SLC14A2: variants seen among roughly 807,000 people sequenced by gnomAD.
SLC14A2 encodes the protein solute carrier family 14 member 2, also known as urea transporter 2.
Under a neutral mutation model 104.6 loss-of-function variants are expected in SLC14A2, and 91 were observed. That is an observed-to-expected ratio of 0.87 (90% CI 0.73 to 1.04). The LOEUF is 1.04. Among genes scored for constraint, SLC14A2 ranks in the 50% least tolerant of loss-of-function variants. The probability of loss-of-function intolerance (pLI) is 0.00; values close to 1 mark genes in which losing one functional copy is unlikely to be tolerated. For synonymous variants in SLC14A2, 476 were observed against 466.4 expected, an observed-to-expected ratio of 1.02 and a Z score of -0.27; for missense variants, 1,189 against 1,156.0, an observed-to-expected ratio of 1.03 and a Z score of -0.41.
chr18:45,419,426 A>G (rs1470405593), intron 1 of SLC14A2, among the ~76,000 whole-genome samples: 1 of 152,220 alleles, frequency 6.6e-6, no homozygotes, highest in Admixed American at 6.5e-5. Context: ...CTATTGAGAA[A>G]ACTTGTTTTG....
intron 1 of SLC14A2, among the ~76,000 whole-genome samples, chr18:45,276,559 A>G (rs1005690848): frequency 6.6e-6 from 1 of 152,254 alleles, no homozygotes; most frequent in Admixed American, 6.5e-5. Context: ...GATATCTGAT[A>G]GAAAAAGCCT....
chr18:45,231,962 T>C (rs2084178966), intron 1 of SLC14A2, among the ~76,000 whole-genome samples: 1 of 152,076 alleles, frequency 6.6e-6, no homozygotes, highest in African/African-American at 2.4e-5. Flanking sequence ...AAGCAACTGA[T>C]GAAGCTGGAA....
intron 1 of SLC14A2, among the ~76,000 whole-genome samples, chr18:45,350,065 C>T (rs76702143): frequency 0.015 from 2,305 of 152,322 alleles, 27 homozygotes; most frequent in Non-Finnish European, 0.024. Context: ...ACTGCACTCA[C>T]TGTTTGGGTC....
At chr18:45,529,548 T>A (rs1200629000) in intron 2 of SLC14A2, 1 of 152,222 alleles carries the variant, frequency 6.6e-6, no homozygotes, top group Non-Finnish European at 1.5e-5. Flanking sequence ...TCAATGAATA[T>A]AAATGGATTG....
At chr18:45,570,206 A>G (rs972406280) in intron 2 of SLC14A2, among the ~76,000 whole-genome samples, 1 of 152,070 alleles carries the variant, frequency 6.6e-6, no homozygotes, top group Non-Finnish European at 1.5e-5. Flanking sequence ...CTCCATCCCT[A>G]ATTTTCCATG....
At chr18:45,365,597 A>T (rs2085658254) in intron 1 of SLC14A2, among the ~76,000 whole-genome samples, 1 of 152,178 alleles carries the variant, frequency 6.6e-6, no homozygotes, top group Admixed American at 6.5e-5. Context: ...GAAACTGAGG[A>T]TTAGAGAGAT....
intron 2 of SLC14A2, among the ~76,000 whole-genome samples, chr18:45,497,344 A>G (rs1010113121): frequency 3.9e-5 from 6 of 152,204 alleles, no homozygotes; most frequent in Non-Finnish European, 7.3e-5. Flanking sequence ...GTGTTAGGCC[A>G]GTGAGGATAC....
At chr18:45,563,371 G>T (rs1036697242) in intron 2 of SLC14A2, among the ~76,000 whole-genome samples, 1 of 152,232 alleles carries the variant, frequency 6.6e-6, no homozygotes, top group Non-Finnish European at 1.5e-5. Flanking sequence ...TGTGGGGCCA[G>T]AAGCTTTCAC....
chr18:45,661,851 C>T (rs962112667), intron 10 of SLC14A2, among the ~76,000 whole-genome samples: 8 of 152,188 alleles, frequency 5.3e-5, no homozygotes, highest in Admixed American at 5.2e-4. Context: ...GACAAGTTGA[C>T]ACTCCAGGTA....
At chr18:45,209,835 C>T (rs1315474410), upstream of SLC14A2, among the ~76,000 whole-genome samples, 1 of 152,202 alleles carries the variant, frequency 6.6e-6, no homozygotes, top group African/African-American at 2.4e-5. Flanking sequence ...TTGGTCACAA[C>T]CATGCCCAGT....
intron 12 of SLC14A2, 150 bp downstream of exon 12, chr18:45,666,369 A>C: frequency 1.8e-6 from 1 of 560,990 alleles, no homozygotes; most frequent in South Asian, 2.7e-5. Flanking sequence ...ACCTGGGACA[A>C]AAATGTCTCT....
chr18:45,554,305 G>A (rs577208704), intron 2 of SLC14A2, among the ~76,000 whole-genome samples: 2 of 152,304 alleles, frequency 1.3e-5, no homozygotes, highest in African/African-American at 4.8e-5. Context: ...GGGGAAGAAG[G>A]GGGAAAGCAA....
chr18:45,172,767 T>A, the SLC14A2 span, among the ~76,000 whole-genome samples: 2 of 152,112 alleles, frequency 1.3e-5, no homozygotes, highest in Non-Finnish European at 2.9e-5. Context: ...CATCCATAGA[T>A]TGTCTCAACC....
chr18:45,330,151 T>C (rs971409527), intron 1 of SLC14A2, among the ~76,000 whole-genome samples: 7 of 152,178 alleles, frequency 4.6e-5, no homozygotes, highest in African/African-American at 1.7e-4. Context: ...GGGTGTAAGC[T>C]GAGACCTGGA....
chr18:45,524,409 T>C (rs534135343), intron 2 of SLC14A2, among the ~76,000 whole-genome samples: 2 of 152,284 alleles, frequency 1.3e-5, no homozygotes, highest in Admixed American at 1.3e-4. Flanking sequence ...GTGAATAGAA[T>C]GCAAGAAAGA....
intron 2 of SLC14A2, among the ~76,000 whole-genome samples, chr18:45,563,823 C>T (rs569715203): frequency 1.3e-5 from 2 of 152,332 alleles, no homozygotes; most frequent in East Asian, 3.9e-4. Flanking sequence ...GGAAAGGTTT[C>T]TTTCAGTCTC....
At chr18:45,588,929 G>A (rs1005770153) in intron 2 of SLC14A2, among the ~76,000 whole-genome samples, 1 of 151,436 alleles carries the variant, frequency 6.6e-6, no homozygotes, top group Admixed American at 6.6e-5. Context: ...GGAGAGGAAG[G>A]TCTGTTTAGA....
rs548327102 is a variant in SLC14A2, at chr18:45,570,235, T to G, written c.-34-54396T>G. Among the ~76,000 whole-genome samples, 3 of 152,300 alleles carry G rather than the reference T, an allele frequency of 2.0e-5. No individual in the cohort carries two copies. The South Asian group carries it at 6.2e-4, about 32-fold the overall frequency. ...TTCCATGTGACTTTAAACCTGTCAC[T>G]CAACCACCCTGGGCTACCCTTTGGC... On this transcript the variant is annotated intron_variant, in intron 2 of 20. Transcript: ENST00000586448.
At chr18:45,435,924 T>G (rs186296733) in intron 1 of SLC14A2, among the ~76,000 whole-genome samples, 1 of 152,308 alleles carries the variant, frequency 6.6e-6, no homozygotes, top group East Asian at 1.9e-4. Context: ...TTCCTATATT[T>G]AGGTTTCTCA....
Sources: gnomAD v4.1 joint callset for allele counts (sites outside exome capture counted in the v4.1 genomes callset) on GRCh38, gnomAD v4.1.1 for gene constraint, MANE v1.5 for transcripts, NCBI Gene and HGNC (gene_info 2026-07-23, HGNC 2026-07-21) for gene names.